The following TMEM9B variants were observed in gnomAD, a reference collection of about 807,000 sequenced individuals.
The protein encoded by TMEM9B is transmembrane protein 9B.
In TMEM9B, 8 loss-of-function variants were observed where a neutral mutation model predicts 23.5. The ratio of observed to expected loss-of-function variants is 0.34; its 90% CI spans 0.20 to 0.61. TMEM9B has a LOEUF of 0.61. Among genes scored for constraint, TMEM9B ranks in the 20% least tolerant of loss-of-function variants. TMEM9B has a pLI of 0.78. For synonymous variants in TMEM9B, 106 were observed against 96.3 expected, an observed-to-expected ratio of 1.10 and a Z score of -0.59; for missense variants, 197 against 252.3, an observed-to-expected ratio of 0.78 and a Z score of 1.49.
At chr11:8,963,860 AAAGTT>A (rs1483311664) in intron 1 of TMEM9B, 2 of 260,760 alleles carry the variant, frequency 7.7e-6, no homozygotes, top group African/African-American at 2.3e-5. Context: ...CTTAGGGTGG[AAAGTT>A]AAAGGCTCTC....
intron 1 of TMEM9B, among the ~76,000 whole-genome samples, chr11:8,963,664 C>G (rs1167845223): frequency 6.6e-6 from 1 of 152,138 alleles, no homozygotes; most frequent in Non-Finnish European, 1.5e-5. Context: ...TCCGTAGGCC[C>G]TATTGGGAGG....
intron 3 of TMEM9B, among the ~76,000 whole-genome samples, chr11:8,954,708 C>T (rs934500139): frequency 7.9e-5 from 12 of 152,130 alleles, no homozygotes; most frequent in African/African-American, 2.9e-4. Flanking sequence ...AATAATAGTA[C>T]AGTGAGGATT....
At chr11:8,959,604 A>T (rs1854039400) in intron 2 of TMEM9B, among the ~76,000 whole-genome samples, 1 of 152,248 alleles carries the variant, frequency 6.6e-6, no homozygotes, top group Non-Finnish European at 1.5e-5. Context: ...TTTGAAGGAT[A>T]TATTTTAATA....
rs774610732 is a variant in TMEM9B, at chr11:8,948,335, A to G, written c.582T>C (p.His194=). 6.2e-7 allele frequency: 1 copy of G among 1,614,046 alleles called. No individual in the cohort carries two copies. The highest frequency in any genetic ancestry group is 2.2e-5 in the East Asian group (1 of 44,884). ...CAATTCCCAATTAGCTGAGGACAACATGCCGGTCAAAGACAGACTTTCGCT... is the reference window on the plus strand; with the variant it reads ...CAATTCCCAATTAGCTGAGGACAACGTGCCGGTCAAAGACAGACTTTCGCT... ...QEQRKSVFDR[H]VVLS Residue 194 remains histidine, a synonymous_variant, in exon 5 of 5, where the codon CAT becomes CAC. Coordinates refer to ENST00000534025, the MANE Select transcript of TMEM9B (RefSeq NM_020644.3).
At chr11:8,956,446 A>C in intron 2 of TMEM9B, 148 bp from the exon 3 acceptor site, 1 of 610,194 alleles carries the variant, frequency 1.6e-6, no homozygotes, top group Non-Finnish European at 2.8e-6. Context: ...AAGTAAAATA[A>C]TTTCTGCTCT....
chr11:8,948,552 G>A (rs1361967508), intron 4 of TMEM9B, 77 bp from the exon 5 acceptor site: 30 of 1,511,834 alleles, frequency 2.0e-5, no homozygotes, highest in Admixed American at 1.0e-4. Context: ...TGACCAGCCC[G>A]CCACAGAAAT....
At chr11:8,964,043 G>A in intron 1 of TMEM9B, 166 bp downstream of exon 1, 1 of 672,580 alleles carries the variant, frequency 1.5e-6, no homozygotes, top group Non-Finnish European at 2.4e-6. Flanking sequence ...GTGCCGCCGG[G>A]CAGTCGGGAG....
chr11:8,964,289 G>A lies in TMEM9B; in HGVS notation c.25C>T (p.Leu9Phe), dbSNP rs771701779. 1.9e-6 allele frequency: 3 copies of A among 1,591,392 alleles called. No homozygotes were observed. Among genetic ancestry groups the A allele is most frequent in the Non-Finnish European group, 2.6e-6 (3 of 1,169,622 alleles). Reference sequence around the variant, plus strand: ...AGGCTGAGCAAGGAGCCAAGCCGAAGAAGGCCTCCCCACAGGGTCGCCATC... The same window carrying A: ...AGGCTGAGCAAGGAGCCAAGCCGAAAAAGGCCTCCCCACAGGGTCGCCATC... MATLWGGL[L>F]RLGSLLSLSC... The change falls in exon 1 of 5, where the codon CTT becomes TTT. Residue 9 changes from leucine (L) to phenylalanine (F), a missense_variant. Coordinates refer to ENST00000534025, the MANE Select transcript of TMEM9B (RefSeq NM_020644.3).
At chr11:8,964,514 C>T (rs1008918002), upstream of TMEM9B, 3 of 1,392,428 alleles carry the variant, frequency 2.2e-6, no homozygotes, top group East Asian at 5.5e-5. Context: ...GTTACCAGTG[C>T]GAAGGGCCGG....
At chr11:8,964,566 C>A (rs1346554953), upstream of TMEM9B, 2 of 1,095,428 alleles carry the variant, frequency 1.8e-6, no homozygotes, top group East Asian at 3.3e-5. Flanking sequence ...CTAGCCCCGG[C>A]CCCGGGACGG....
At chr11:8,953,539 G>A (rs2134866298) in intron 3 of TMEM9B, among the ~76,000 whole-genome samples, 1 of 152,208 alleles carries the variant, frequency 6.6e-6, no homozygotes, top group South Asian at 2.1e-4. Flanking sequence ...GGATTTTTTT[G>A]CAAGTCTTCA....
rs1853912673 is a variant in TMEM9B at position 8,953,070 on chromosome 11, C to A, written c.441+133G>T. The A allele has an allele frequency of 5.8e-6, 6 of 1,034,802 alleles. No homozygotes were observed. The Admixed American group carries it at 7.1e-5, about 12-fold the overall frequency. The allele number at this position is 1,034,802 out of a possible 1,614,324, so 64.1% of individuals were successfully genotyped here. On this transcript the variant is annotated intron_variant, in intron 4 of 4. Coordinates refer to ENST00000534025, the MANE Select transcript of TMEM9B (RefSeq NM_020644.3). The stretch of plus-strand genomic sequence containing the variant: ...AAAGAGGTATATACTGAAATCAGAG[C>A]TGTTTTTAGCTTCTCTAGTTGAGGA...
At chr11:8,963,643 G>A (rs891467716) in intron 1 of TMEM9B, among the ~76,000 whole-genome samples, 1 of 152,154 alleles carries the variant, frequency 6.6e-6, no homozygotes, top group Non-Finnish European at 1.5e-5. Flanking sequence ...TATGAAGCAG[G>A]TGAGAGATGC....
chr11:8,963,235 G>A (rs1183082560), intron 1 of TMEM9B, among the ~76,000 whole-genome samples: 2 of 152,236 alleles, frequency 1.3e-5, no homozygotes, highest in African/African-American at 2.4e-5. Context: ...GTAGGAGGTA[G>A]AGATGGTTTC....
intron 2 of TMEM9B, among the ~76,000 whole-genome samples, chr11:8,956,514 A>T (rs1853977549): frequency 6.6e-6 from 1 of 152,156 alleles, no homozygotes; most frequent in African/African-American, 2.4e-5. Context: ...TCACACATAT[A>T]GTAGTGTCTA....
chr11:8,962,364 G>A (rs978968570), intron 1 of TMEM9B, among the ~76,000 whole-genome samples, 181 bp from the exon 2 acceptor site: 1 of 152,072 alleles, frequency 6.6e-6, no homozygotes, highest in African/African-American at 2.4e-5. Flanking sequence ...TAATGCCAAT[G>A]AATCATTATA....
At chr11:8,959,965 T>C (rs558524213) in intron 2 of TMEM9B, among the ~76,000 whole-genome samples, 33 of 152,276 alleles carry the variant, frequency 2.2e-4, no homozygotes, top group Admixed American at 6.5e-4. Flanking sequence ...GCCATAATTC[T>C]GGTGAATCAT....
At position 8,964,224 on chromosome 11, in the gene TMEM9B, C is replaced by G; in HGVS notation, c.90G>C (p.Leu30=). ...CGGGACTCACCTTGGCGGCGTCTGA[C>G]AGCTGCGCCAGCAGCAGCACGGAAA... ...LALSVLLLAQ[L]SDAAKNFEDV... is the part of the protein sequence containing the mutation. The change falls in exon 1 of 5, where the codon CTG becomes CTC. Residue 30 remains leucine (L), a synonymous_variant. Coordinates refer to ENST00000534025, the MANE Select transcript of TMEM9B (RefSeq NM_020644.3). 1.9e-6 allele frequency: 3 copies of G among 1,584,476 alleles called. No individual in the cohort carries two copies. The highest frequency in any genetic ancestry group is 2.6e-6 in the Non-Finnish European group (3 of 1,166,350).
rs776458012 is a variant in TMEM9B at position 8,948,146 on chromosome 11, T to C, written c.*174A>G. On this transcript the variant is annotated 3_prime_UTR_variant, in exon 5 of 5. Coordinates refer to ENST00000534025, the MANE Select transcript of TMEM9B (RefSeq NM_020644.3). ...AGCTGTGTGCTTTTAAAAATGTCTC[T>C]ATTATTACGTTAACAAGAAAAAAAA... The C allele has an allele frequency of 1.5e-4, 103 of 693,658 alleles. 1 individual carries two copies. Among genetic ancestry groups the C allele is most frequent in the Non-Finnish European group, 2.3e-5 (10 of 434,858 alleles). The allele number at this position is 693,658 out of a possible 1,614,324, so 43.0% of individuals were successfully genotyped here.
Sources: allele counts gnomAD v4.1 joint callset (sites outside exome capture counted in the v4.1 genomes callset), GRCh38; gene constraint gnomAD v4.1.1; transcripts MANE v1.5; gene names NCBI Gene and HGNC (gene_info 2026-07-23, HGNC 2026-07-21).